The following GAD2 variants were observed in gnomAD, a reference collection of about 807,000 sequenced individuals.
GAD2 encodes glutamate decarboxylase 2.
In GAD2, 22 loss-of-function variants were observed where a neutral mutation model predicts 80.1. That is an observed-to-expected ratio of 0.27 (90% CI 0.20 to 0.39). The LOEUF (loss-of-function observed/expected upper bound fraction) is 0.39, where lower values mean the gene tolerates loss of function less well. Ranked by LOEUF, GAD2 falls within the 10% of genes least tolerant of loss-of-function variation. GAD2 has a pLI of 1.00. For synonymous variants in GAD2, 274 were observed against 256.9 expected, an observed-to-expected ratio of 1.07 and a Z score of -0.64; for missense variants, 624 against 738.4, an observed-to-expected ratio of 0.85 and a Z score of 1.80.
Position 26,302,204 on chromosome 10 carries a change from C to A in GAD2, c.*1243C>A, listed in dbSNP as rs1834335706. 1 of 152,170 alleles carries A rather than the reference C, an allele frequency of 6.6e-6. No individual in the cohort carries two copies. The highest frequency in any genetic ancestry group is 2.1e-4 in the South Asian group (1 of 4,814). 9.4% of individuals were successfully genotyped at this position (152,170 alleles called of 1,614,324 possible). On this transcript the variant is annotated 3_prime_UTR_variant, in exon 16 of 16. Coordinates refer to ENST00000376261, the MANE Select transcript of GAD2 (RefSeq NM_001134366.2). ...CCCCATTCCTCCCCACAAAGTCTCTCCCACTAGACTCCCTACCACTGGGAC... is the reference window on the plus strand; with the variant it reads ...CCCCATTCCTCCCCACAAAGTCTCTACCACTAGACTCCCTACCACTGGGAC...
chr10:26,259,963 T>C (rs1318635925), intron 8 of GAD2, among the ~76,000 whole-genome samples: 2 of 152,278 alleles, frequency 1.3e-5, no homozygotes, highest in East Asian at 3.9e-4. Context: ...ACATATTCAT[T>C]GTAGAAAAAT....
intron 15 of GAD2, among the ~76,000 whole-genome samples, chr10:26,295,467 A>G (rs1015570986): frequency 1.3e-5 from 2 of 150,974 alleles, no homozygotes; most frequent in African/African-American, 2.4e-5. Flanking sequence ...TGACGCCCTT[A>G]AAGTATCATG....
intron 7 of GAD2, among the ~76,000 whole-genome samples, chr10:26,231,384 G>T (rs1171500119): frequency 1.3e-5 from 2 of 152,204 alleles, no homozygotes; most frequent in Non-Finnish European, 2.9e-5. Context: ...CTCTGTGTGT[G>T]TCTGTAGGTG....
intron 8 of GAD2, among the ~76,000 whole-genome samples, chr10:26,253,857 C>A (rs1005105476): frequency 2.0e-5 from 3 of 152,016 alleles, no homozygotes; most frequent in Non-Finnish European, 2.9e-5. Context: ...GACGCCACAG[C>A]ACATTCTAAA....
chr10:26,273,560 C>T lies in GAD2; in HGVS notation c.1093-76C>T. On this transcript the variant is annotated intron_variant, in intron 10 of 15. Transcript: ENST00000376261. ...TGGCCTGGGGTCAAGATCATTTTCA[C>T]CTAGAAAGACACCAGACTATAGAAA... The T allele has an allele frequency of 3.2e-6, 4 of 1,257,456 alleles. No individual in the cohort carries two copies. In the South Asian group the frequency reaches 4.9e-5, roughly 15 times the overall value. 77.9% of individuals were successfully genotyped at this position (1,257,456 alleles called of 1,614,324 possible). A position where few individuals can be genotyped will look rare whatever the true frequency, so the allele number is the denominator to read the frequency against.
At chr10:26,295,239 G>A (rs1834260236) in intron 15 of GAD2, among the ~76,000 whole-genome samples, 1 of 152,108 alleles carries the variant, frequency 6.6e-6, no homozygotes, top group Non-Finnish European at 1.5e-5. Context: ...TAGAATATTA[G>A]TAAACTGTTT....
intron 12 of GAD2, among the ~76,000 whole-genome samples, chr10:26,281,838 T>A (rs142942849): frequency 1.3e-5 from 2 of 152,342 alleles, no homozygotes; most frequent in East Asian, 1.9e-4. Context: ...ATTTTGTTGA[T>A]GAAACCCAAA....
intron 7 of GAD2, among the ~76,000 whole-genome samples, chr10:26,241,607 C>T (rs938371239): frequency 1.3e-5 from 2 of 151,132 alleles, no homozygotes; most frequent in African/African-American, 4.9e-5. Context: ...TCTGATTTTC[C>T]TAACAAAACT....
chr10:26,283,791 C>T (rs765168416), intron 12 of GAD2, among the ~76,000 whole-genome samples: 1 of 152,084 alleles, frequency 6.6e-6, no homozygotes, highest in Non-Finnish European at 1.5e-5. Context: ...GCAGCCTTCA[C>T]CATTTAAAGG....
intron 10 of GAD2, among the ~76,000 whole-genome samples, chr10:26,272,553 T>TCA (rs1246600377): frequency 1.7e-5 from 2 of 114,322 alleles, no homozygotes; most frequent in Admixed American, 7.7e-5. Flanking sequence ...GTTTGGAAAA[T>TCA]CATAATTTTT....
At chr10:26,289,991 C>T (rs1013982127) in intron 13 of GAD2, among the ~76,000 whole-genome samples, 1 of 151,670 alleles carries the variant, frequency 6.6e-6, no homozygotes, top group Non-Finnish European at 1.5e-5. Flanking sequence ...TGTAGTCATA[C>T]AAATAGTCAG....
At chr10:26,231,662 C>T (rs542893545) in intron 7 of GAD2, among the ~76,000 whole-genome samples, 1 of 152,164 alleles carries the variant, frequency 6.6e-6, no homozygotes, top group Admixed American at 6.5e-5. Context: ...TGGCTTACAA[C>T]AATATGAATG....
chr10:26,286,339 T>G lies in GAD2; in HGVS notation c.1237-6T>G, dbSNP rs765328595. 1.7e-5 allele frequency: 28 copies of G among 1,611,684 alleles called. No individual in the cohort carries two copies. The highest frequency in any genetic ancestry group is 2.4e-5 in the Non-Finnish European group (28 of 1,179,240). ...AATTTCCTAAATTTTCTCTTCTCTC[T>G]TGTAGGGATTGATGCAGAATTGCAA... On this transcript the variant is annotated splice_region_variant and splice_polypyrimidine_tract_variant and intron_variant, in intron 12 of 15. Transcript: ENST00000376261.
At chr10:26,229,899 A>G (rs1428046076) in intron 7 of GAD2, 122 bp downstream of exon 7, 2 of 687,780 alleles carry the variant, frequency 2.9e-6, no homozygotes, top group Non-Finnish European at 5.0e-6. Flanking sequence ...TTGGGAGGGA[A>G]TGGGGGAGAA....
rs187881816 is a variant in GAD2, at chr10:26,265,292, C to G, written c.921-3827C>G. ...AATCTCGGCTCACTGCAACCTCCAC[C>G]TCCCGGGTTCAAGCAATTCTCCTGC... On this transcript the variant is annotated intron_variant, in intron 8 of 15. Transcript: ENST00000376261. Among the ~76,000 whole-genome samples the G allele has an allele frequency of 5.9e-3, 899 of 151,718 alleles. 4 individuals are homozygous for G. Among genetic ancestry groups the G allele is most frequent in the Non-Finnish European group, 9.9e-3 (676 of 67,968 alleles).
chr10:26,277,837 C>T (rs192407005), intron 11 of GAD2, among the ~76,000 whole-genome samples: 54 of 152,190 alleles, frequency 3.5e-4, no homozygotes, highest in Middle Eastern at 3.4e-3. Flanking sequence ...TGAGCAGTGG[C>T]GATTGGGGCC....
chr10:26,303,488 A>AAGG lies in GAD2; in HGVS notation c.*2528_*2529insGGA. ...GGAGGGAAGGAGGGAGGGAGGAAGGAAATGAAGGGAGGGAGGGAGGGAGGA... is the reference window on the plus strand; with the variant it reads ...GGAGGGAAGGAGGGAGGGAGGAAGGAAGGAATGAAGGGAGGGAGGGAGGGAGGA... On this transcript the variant is annotated 3_prime_UTR_variant, in exon 16 of 16. Coordinates refer to ENST00000376261, the MANE Select transcript of GAD2 (RefSeq NM_001134366.2). The AAGG allele has an allele frequency of 5.0e-5, 7 of 141,040 alleles. No individual in the cohort carries two copies. Among genetic ancestry groups the AAGG allele is most frequent in the Non-Finnish European group, 9.5e-5 (6 of 62,954 alleles). 8.7% of individuals were successfully genotyped at this position (141,040 alleles called of 1,614,324 possible). A position where few individuals can be genotyped will look rare whatever the true frequency, so the allele number is the denominator to read the frequency against.
chr10:26,223,145 G>A (rs1054477680), intron 4 of GAD2, among the ~76,000 whole-genome samples: 1 of 152,210 alleles, frequency 6.6e-6, no homozygotes, highest in African/African-American at 2.4e-5. Context: ...AGTCGATTGA[G>A]TATATCTTTC....
At chr10:26,300,734 C>T in intron 15 of GAD2, 54 bp from the exon 16 acceptor site, 4 of 1,552,676 alleles carry the variant, frequency 2.6e-6, no homozygotes, top group Non-Finnish European at 3.5e-6. Context: ...GGTTCTTTGA[C>T]TCAGGGGAGA....
Sources: gnomAD v4.1 joint callset for allele counts (sites outside exome capture counted in the v4.1 genomes callset) on GRCh38, gnomAD v4.1.1 for gene constraint, MANE v1.5 for transcripts, NCBI Gene and HGNC (gene_info 2026-07-23, HGNC 2026-07-21) for gene names.